Variants in FBXO25 observed in about 807,000 individuals in gnomAD.
The protein encoded by FBXO25 is F-box protein 25, also known as F-box only protein 25.
FBXO25 carries 45 observed loss-of-function variants against 51.9 expected under a neutral mutation model. The observed-to-expected ratio is 0.87, with a 90% CI of 0.68 to 1.11. FBXO25 has a LOEUF of 1.11. Ranked by LOEUF, FBXO25 falls within the 50% of genes most tolerant of loss-of-function variation. The probability of loss-of-function intolerance (pLI) is 0.00; values close to 1 mark genes in which losing one functional copy is unlikely to be tolerated. For synonymous variants in FBXO25, 199 were observed against 151.0 expected, an observed-to-expected ratio of 1.32 and a Z score of -2.33; for missense variants, 507 against 428.5, an observed-to-expected ratio of 1.18 and a Z score of -1.62.
chr8:418,669 C>G (rs939419561), intron 2 of FBXO25, among the ~76,000 whole-genome samples: 3 of 152,058 alleles, frequency 2.0e-5, no homozygotes, highest in African/African-American at 7.2e-5. Flanking sequence ...AGAGCTCTTT[C>G]AAAAGAAATT....
chr8:453,865 G>T (rs1307420395), intron 7 of FBXO25, among the ~76,000 whole-genome samples: 2 of 152,090 alleles, frequency 1.3e-5, no homozygotes, highest in African/African-American at 4.8e-5. Context: ...GCCCACACCT[G>T]TAATCCCAGC....
chr8:427,511 A>G (rs185775148), intron 2 of FBXO25, among the ~76,000 whole-genome samples: 79 of 151,678 alleles, frequency 5.2e-4, no homozygotes, highest in Middle Eastern at 3.4e-3. Context: ...ACTTGAAAAG[A>G]TAGATACTTT....
intron 8 of FBXO25, among the ~76,000 whole-genome samples, chr8:461,272 A>C (rs1208126625): frequency 1.3e-5 from 2 of 152,226 alleles, no homozygotes; most frequent in Non-Finnish European, 2.9e-5. Flanking sequence ...CATCTGTATT[A>C]GTCCATTCTC....
chr8:422,288 G>C (rs1224893482), intron 2 of FBXO25, among the ~76,000 whole-genome samples: 2 of 152,222 alleles, frequency 1.3e-5, no homozygotes, highest in Admixed American at 1.3e-4. Context: ...TGTGTGAATG[G>C]CACATCATCT....
At chr8:439,215 T>C (rs1156392418) in intron 5 of FBXO25, among the ~76,000 whole-genome samples, 5 of 152,170 alleles carry the variant, frequency 3.3e-5, no homozygotes, top group African/African-American at 7.2e-5. Context: ...GGCTTGCTTA[T>C]AGCACTGAGA....
Position 432,598 on chromosome 8 carries a change from G to A in FBXO25, c.239-288G>A, listed in dbSNP as rs375271832. ...TTAGGGTACATAGGAATGTAGTAAT[G>A]TAATTGCATTTTATAATCATTTATG... On this transcript the variant is annotated intron_variant, in intron 3 of 9. Coordinates refer to ENST00000350302, the MANE Select transcript of FBXO25 (RefSeq NM_183420.2). Among the ~76,000 whole-genome samples the A allele has an allele frequency of 5.7e-3, 863 of 152,282 alleles. 6 individuals carry two copies. Among genetic ancestry groups the A allele is most frequent in the Admixed American group, 0.011 (164 of 15,292 alleles).
In FBXO25 at chr8:470,520, C is replaced by T. The variant is rs1347205689; in HGVS notation, c.*1716C>T. On this transcript the variant is annotated 3_prime_UTR_variant, in exon 10 of 10. Transcript: ENST00000350302. ...TCAGCCTCCCAAGCAGTCAGGACCACAGGCATATACCACCATGCTCAGCTG... is the reference window on the plus strand; with the variant it reads ...TCAGCCTCCCAAGCAGTCAGGACCATAGGCATATACCACCATGCTCAGCTG... 2.0e-5 allele frequency: 3 copies of T among 152,030 alleles called. No homozygotes were observed. The highest frequency in any genetic ancestry group is 1.5e-5 in the Non-Finnish European group (1 of 68,098). 9.4% of individuals were successfully genotyped at this position (152,030 alleles called of 1,614,324 possible).
At chr8:431,544 A>C in intron 3 of FBXO25, 100 bp downstream of exon 3, 1 of 633,280 alleles carries the variant, frequency 1.6e-6, no homozygotes, top group Non-Finnish European at 2.6e-6. Flanking sequence ...TGATACAAAT[A>C]TGTAAATAAC....
At chr8:454,602 A>G (rs1180842995) in intron 7 of FBXO25, among the ~76,000 whole-genome samples, 1 of 152,180 alleles carries the variant, frequency 6.6e-6, no homozygotes, top group Non-Finnish European at 1.5e-5. Context: ...GGTGGAGCTT[A>G]AAGAATGGGC....
rs1413161336 is a variant in FBXO25, at chr8:476,024, G to C, written c.*7220G>C. On this transcript the variant is annotated 3_prime_UTR_variant, in exon 10 of 10. Coordinates refer to ENST00000350302, the MANE Select transcript of FBXO25 (RefSeq NM_183420.2). ...ATGTTTACAGTGGGATGTTCATATG[G>C]CCTCTATTTTAGGTTGTTTCCTTCT... The C allele has an allele frequency of 6.6e-6, 1 of 152,068 alleles. No homozygotes were observed. The highest frequency in any genetic ancestry group is 2.4e-5 in the African/African-American group (1 of 41,414). 9.4% of individuals were successfully genotyped at this position (152,068 alleles called of 1,614,324 possible). A position where few individuals can be genotyped will look rare whatever the true frequency, so the allele number is the denominator to read the frequency against.
Position 468,768 on chromosome 8 carries a change from G to C in FBXO25, c.1041G>C (p.Val347=). ...AADPDSCFTP[V]SPQHFIDLFK... is the part of the protein sequence containing the mutation. The stretch of plus-strand genomic sequence containing the variant: ...ACCCTGACAGCTGCTTCACGCCTGT[G>C]TCTCCGCAGCACTTCATCGACCTCT... Residue 347 remains valine, a synonymous_variant, in exon 10 of 10, where the codon GTG becomes GTC. Transcript: ENST00000350302. 6.2e-7 allele frequency: 1 copy of C among 1,614,010 alleles called. No homozygotes were observed. The highest frequency in any genetic ancestry group is 8.5e-7 in the Non-Finnish European group (1 of 1,180,016).
intron 7 of FBXO25, among the ~76,000 whole-genome samples, chr8:456,183 A>C (rs1364019373): frequency 2.0e-5 from 3 of 152,156 alleles, no homozygotes; most frequent in African/African-American, 4.8e-5. Context: ...TTAGGGGTTA[A>C]TTTACTTGCA....
In FBXO25 at chr8:475,728, A is replaced by C. The variant is rs941950112; in HGVS notation, c.*6924A>C. 6.6e-6 allele frequency: 1 copy of C among 152,142 alleles called. No homozygotes were observed. The highest frequency in any genetic ancestry group is 1.5e-5 in the Non-Finnish European group (1 of 68,016). 9.4% of individuals were successfully genotyped at this position (152,142 alleles called of 1,614,324 possible). A position where few individuals can be genotyped will look rare whatever the true frequency, so the allele number is the denominator to read the frequency against. ...TTGAGATTGCTTGTTATTGTATAGAAATATCATGGATTTGTTGTGTTGATT... is the reference window on the plus strand; with the variant it reads ...TTGAGATTGCTTGTTATTGTATAGACATATCATGGATTTGTTGTGTTGATT... On this transcript the variant is annotated 3_prime_UTR_variant, in exon 10 of 10. Coordinates refer to ENST00000350302, the MANE Select transcript of FBXO25 (RefSeq NM_183420.2).
At chr8:425,142 A>G (rs1282159597) in intron 2 of FBXO25, among the ~76,000 whole-genome samples, 1 of 147,634 alleles carries the variant, frequency 6.8e-6, no homozygotes, top group Non-Finnish European at 1.5e-5. Flanking sequence ...CGCCCCCCAC[A>G]TGTCCCATTT....
rs199946939 is a variant in FBXO25 at position 408,325 on chromosome 8, T to TAA, written c.-8+1271_-8+1272dup. Among the ~76,000 whole-genome samples, 552 of 146,672 alleles carry TAA rather than the reference T, an allele frequency of 3.8e-3. 3 individuals carry two copies. The highest frequency in any genetic ancestry group is 7.5e-3 in the African/African-American group (299 of 39,808). ...CATATTAGTGATCTGTAATAGACGG[T>TAA]AAAAAAAAAAAAAGTTAAAAAGCTT... On this transcript the variant is annotated intron_variant, in intron 1 of 9. Coordinates refer to ENST00000350302, the MANE Select transcript of FBXO25 (RefSeq NM_183420.2).
At chr8:421,868 T>TG (rs776392539) in intron 2 of FBXO25, among the ~76,000 whole-genome samples, 4 of 152,100 alleles carry the variant, frequency 2.6e-5, no homozygotes, top group Non-Finnish European at 4.4e-5. Context: ...TGGCCAAAGC[T>TG]GGAGCAGTTT....
In FBXO25 at chr8:475,630, GCTTC is replaced by G. The variant is rs1395950690; in HGVS notation, c.*6830_*6833del. 2 of 152,050 alleles carry G rather than the reference GCTTC, an allele frequency of 1.3e-5. No individual in the cohort carries two copies. Among genetic ancestry groups the G allele is most frequent in the Admixed American group, 6.5e-5 (1 of 15,268 alleles). The allele number at this position is 152,050 out of a possible 1,614,324, so 9.4% of individuals were successfully genotyped here. On this transcript the variant is annotated 3_prime_UTR_variant, in exon 10 of 10. Transcript: ENST00000350302. ...TATGGTTTTCAAGTACAAGTCTTTT[GCTTC>G]CTTAAGTTTATTCCTAAATATTTCA...
chr8:453,550 T>C lies in FBXO25; in HGVS notation c.660+2097T>C, dbSNP rs147216922. On this transcript the variant is annotated intron_variant, in intron 7 of 9. Coordinates refer to ENST00000350302, the MANE Select transcript of FBXO25 (RefSeq NM_183420.2). ...CTGCATTTGTAGATGCCGGACTCAG[T>C]CAGCCAAATTGGTCTAAGGCTGCTT... Among the ~76,000 whole-genome samples, 159 of 152,238 alleles carry C rather than the reference T, an allele frequency of 1.0e-3. 1 individual carries two copies. Among genetic ancestry groups the C allele is most frequent in the African/African-American group, 3.7e-3 (153 of 41,540 alleles).
chr8:457,482 C>T (rs903030166), intron 7 of FBXO25, among the ~76,000 whole-genome samples: 7 of 152,040 alleles, frequency 4.6e-5, no homozygotes, highest in African/African-American at 1.4e-4. Context: ...TACTCTCTGG[C>T]GTGTGTGAGG....
Sources: gnomAD v4.1 joint callset for allele counts (sites outside exome capture counted in the v4.1 genomes callset) on GRCh38, gnomAD v4.1.1 for gene constraint, MANE v1.5 for transcripts, NCBI Gene and HGNC (gene_info 2026-07-23, HGNC 2026-07-21) for gene names.